KCNT2: variants seen among roughly 807,000 people sequenced by gnomAD.
KCNT2 encodes potassium sodium-activated channel subfamily T member 2, also known as potassium channel subfamily T member 2.
KCNT2 carries 67 observed loss-of-function variants against 153.8 expected under a neutral mutation model. The ratio of observed to expected loss-of-function variants is 0.44; its 90% CI spans 0.36 to 0.53. The LOEUF is 0.53. Ranked by LOEUF, KCNT2 falls within the 20% of genes least tolerant of loss-of-function variation. KCNT2 has a pLI of 0.00. For missense variants in KCNT2, 975 were observed against 1,354.8 expected (o/e 0.72, Z 4.40); for synonymous variants, 500 against 458.8 (o/e 1.09, Z -1.15).
At chr1:196,394,010 T>G (rs1670707505) in intron 13 of KCNT2, among the ~76,000 whole-genome samples, 1 of 151,416 alleles carries the variant, frequency 6.6e-6, no homozygotes, top group Non-Finnish European at 1.5e-5. Flanking sequence ...AAAAAGTCTC[T>G]CACTGGAAAA....
At chr1:196,353,652 G>C (rs1485787671) in intron 14 of KCNT2, among the ~76,000 whole-genome samples, 1 of 151,928 alleles carries the variant, frequency 6.6e-6, no homozygotes. Flanking sequence ...AACAATGATT[G>C]CATTTTCAAG....
chr1:196,323,355 T>A (rs558321919), intron 19 of KCNT2, among the ~76,000 whole-genome samples: 1 of 152,092 alleles, frequency 6.6e-6, no homozygotes, highest in African/African-American at 2.4e-5. Flanking sequence ...GGATAATATA[T>A]TCTAGCTTTT....
At chr1:196,237,078 AGTCTAAGAAAT>A (rs201083764) in intron 26 of KCNT2, among the ~76,000 whole-genome samples, 1,629 of 151,736 alleles carry the variant, frequency 0.011, 31 homozygotes, top group African/African-American at 0.035. Flanking sequence ...GTTTCATACC[AGTCTAAGAAAT>A]GGTTTCATAC....
intron 22 of KCNT2, among the ~76,000 whole-genome samples, chr1:196,300,515 G>C (rs1174535904): frequency 6.6e-6 from 1 of 151,942 alleles, no homozygotes; most frequent in Non-Finnish European, 1.5e-5. Context: ...CATTCCAGAG[G>C]GCTCCCCCTC....
At chr1:196,473,463 TA>T (rs1678266106) in intron 5 of KCNT2, among the ~76,000 whole-genome samples, 2 of 152,218 alleles carry the variant, frequency 1.3e-5, no homozygotes, top group South Asian at 4.1e-4. Flanking sequence ...GTTGGTACAT[TA>T]CGTCAACCAT....
intron 13 of KCNT2, among the ~76,000 whole-genome samples, chr1:196,376,435 G>T (rs1239028285): frequency 6.6e-6 from 1 of 151,846 alleles, no homozygotes; most frequent in African/African-American, 2.4e-5. Flanking sequence ...CTTCATGGCA[G>T]TTCAGTGCAG....
intron 1 of KCNT2, among the ~76,000 whole-genome samples, chr1:196,574,997 A>T (rs1442198029): frequency 6.6e-6 from 1 of 152,064 alleles, no homozygotes; most frequent in Non-Finnish European, 1.5e-5. Context: ...AGTAATTTAT[A>T]TACTAAATTT....
chr1:196,565,346 T>A (rs1659977074), intron 1 of KCNT2, among the ~76,000 whole-genome samples: 1 of 151,720 alleles, frequency 6.6e-6, no homozygotes, highest in Non-Finnish European at 1.5e-5. Flanking sequence ...TTGGTGGAAG[T>A]GTGAATTAGT....
chr1:196,241,985 A>T (rs1655000210), intron 26 of KCNT2, among the ~76,000 whole-genome samples: 1 of 152,060 alleles, frequency 6.6e-6, no homozygotes. Context: ...AATTAGTCTA[A>T]ATATATATGA....
At chr1:196,504,113 T>C (rs758820909) in intron 1 of KCNT2, among the ~76,000 whole-genome samples, 90 of 152,170 alleles carry the variant, frequency 5.9e-4, no homozygotes, top group Non-Finnish European at 1.1e-3. Context: ...CTTTAAGTTT[T>C]AGGGTACATG....
intron 25 of KCNT2, among the ~76,000 whole-genome samples, chr1:196,277,517 T>C (rs925779369): frequency 6.6e-6 from 1 of 152,152 alleles, no homozygotes; most frequent in Non-Finnish European, 1.5e-5. Context: ...ACCACTTCCA[T>C]AGACTAAACC....
chr1:196,597,918 A>T (rs1488275054), intron 1 of KCNT2, among the ~76,000 whole-genome samples: 1 of 152,196 alleles, frequency 6.6e-6, no homozygotes, highest in Non-Finnish European at 1.5e-5. Context: ...TAAATTTCAT[A>T]ACATCCCTGC....
intron 14 of KCNT2, among the ~76,000 whole-genome samples, chr1:196,349,595 CA>C (rs1666446478): frequency 1.3e-5 from 2 of 152,122 alleles, no homozygotes; most frequent in Admixed American, 1.3e-4. Flanking sequence ...CCTAGCGGTA[CA>C]CCCTATAGAC....
At chr1:196,602,402 T>C (rs955054316) in intron 1 of KCNT2, among the ~76,000 whole-genome samples, 5 of 152,236 alleles carry the variant, frequency 3.3e-5, no homozygotes, top group African/African-American at 1.2e-4. Flanking sequence ...GATCAATTGC[T>C]GTGATCTCAA....
chr1:196,373,883 C>T (rs1038823042), intron 13 of KCNT2, among the ~76,000 whole-genome samples: 3 of 151,662 alleles, frequency 2.0e-5, no homozygotes, highest in Non-Finnish European at 4.4e-5. Context: ...TGATAGGGTC[C>T]AACCAGAAAA....
chr1:196,370,919 C>T (rs1034966931), intron 14 of KCNT2, among the ~76,000 whole-genome samples: 15 of 151,950 alleles, frequency 9.9e-5, no homozygotes, highest in African/African-American at 2.9e-4. Context: ...CCTTGAAAAA[C>T]ATTATGTACA....
At chr1:196,312,876 A>G (rs1330873018) in intron 21 of KCNT2, among the ~76,000 whole-genome samples, 1 of 151,672 alleles carries the variant, frequency 6.6e-6, no homozygotes, top group Admixed American at 6.6e-5. Context: ...AGCCATTGTG[A>G]TTGGATTTCT....
intron 1 of KCNT2, among the ~76,000 whole-genome samples, chr1:196,529,218 A>G (rs1244951880): frequency 2.0e-5 from 3 of 152,170 alleles, no homozygotes; most frequent in Non-Finnish European, 2.9e-5. Context: ...GATCATTAAA[A>G]GAAATATATT....
In KCNT2 at chr1:196,319,568, T is replaced by C. The variant is rs372584147; in HGVS notation, c.2277-13A>G. 11 of 1,584,110 alleles carry C rather than the reference T, an allele frequency of 6.9e-6. No individual in the cohort carries two copies. The highest frequency in any genetic ancestry group is 2.2e-5 in the East Asian group (1 of 44,468). On this transcript the variant is annotated splice_polypyrimidine_tract_variant and intron_variant, in intron 19 of 27. Coordinates refer to ENST00000294725, the MANE Select transcript of KCNT2 (RefSeq NM_198503.5). The stretch of plus-strand genomic sequence containing the variant: ...ATGCATATCTGGCCTAAGTAGTAGA[T>C]GGGTTACAAAATGAAACACAATGTC...
Sources: allele counts gnomAD v4.1 joint callset (sites outside exome capture counted in the v4.1 genomes callset), GRCh38; gene constraint gnomAD v4.1.1; transcripts MANE v1.5; gene names NCBI Gene and HGNC (gene_info 2026-07-23, HGNC 2026-07-21).